Variants in KCNH7 observed in about 807,000 individuals in gnomAD.
KCNH7 encodes the protein voltage-gated inwardly rectifying potassium channel KCNH7.
A neutral mutation model predicts 120.8 loss-of-function variants in KCNH7; 49 were observed. The ratio of observed to expected loss-of-function variants is 0.41; its 90% CI spans 0.32 to 0.51. The LOEUF is 0.51. Ranked by LOEUF, KCNH7 falls within the 20% of genes least tolerant of loss-of-function variation. KCNH7 has a pLI of 0.38. For synonymous variants in KCNH7, 547 were observed against 516.1 expected (o/e 1.06, Z -0.81); for missense variants, 1,097 against 1,446.6 (o/e 0.76, Z 3.92).
At chr2:162,752,938 G>GAAAAGAA (rs1559116235) in intron 2 of KCNH7, among the ~76,000 whole-genome samples, 1 of 92,436 alleles carries the variant, frequency 1.1e-5, no homozygotes, top group Non-Finnish European at 1.9e-5. Context: ...GAAAAGAAAA[G>GAAAAGAA]AAAAGAAAAG....
intron 2 of KCNH7, among the ~76,000 whole-genome samples, chr2:162,584,340 T>C (rs1693961178): frequency 6.6e-6 from 1 of 152,098 alleles, no homozygotes; most frequent in African/African-American, 2.4e-5. Context: ...TTCAATATGG[T>C]TAAATAATTA....
chr2:162,527,011 C>T (rs1008043863), intron 3 of KCNH7, among the ~76,000 whole-genome samples: 31 of 151,996 alleles, frequency 2.0e-4, no homozygotes, highest in African/African-American at 7.0e-4. Flanking sequence ...CGTTCTTCTG[C>T]CATGGCTTCA....
chr2:162,758,346 A>G lies in KCNH7; in HGVS notation c.307+78191T>C, dbSNP rs543472227. Among the ~76,000 whole-genome samples the G allele has an allele frequency of 5.3e-4, 81 of 152,296 alleles. 1 individual carries two copies. The South Asian group carries it at 0.016, about 31-fold the overall frequency. On this transcript the variant is annotated intron_variant, in intron 2 of 15. Transcript: ENST00000332142. The stretch of plus-strand genomic sequence containing the variant: ...GAGGTTATATTCTTTAGTCAAACTG[A>G]GACACCATTTATTTTTTGTATAAAC...
chr2:162,371,716 C>T lies in KCNH7; in HGVS notation c.*113G>A, dbSNP rs947449815. On this transcript the variant is annotated 3_prime_UTR_variant, in exon 16 of 16. Transcript: ENST00000332142. The stretch of plus-strand genomic sequence containing the variant: ...TTTAGGAAAATATACAGTACTTTTG[C>T]ATATAATGGTACCTTGTGAGCCCCT... 24 of 1,021,428 alleles carry T rather than the reference C, an allele frequency of 2.3e-5. No individual in the cohort carries two copies. Among genetic ancestry groups the T allele is most frequent in the Non-Finnish European group, 3.4e-5 (24 of 716,264 alleles). 63.3% of individuals were successfully genotyped at this position (1,021,428 alleles called of 1,614,324 possible). A position where few individuals can be genotyped will look rare whatever the true frequency, so the allele number is the denominator to read the frequency against.
intron 2 of KCNH7, among the ~76,000 whole-genome samples, chr2:162,645,327 T>C (rs1684319694): frequency 6.6e-6 from 1 of 152,162 alleles, no homozygotes. Flanking sequence ...TTTATACTTT[T>C]AGTAGAGACG....
Position 162,394,393 on chromosome 2 carries a change from C to A in KCNH7, c.2706G>T (p.Glu902Asp). 7 of 1,531,518 alleles carry A rather than the reference C, an allele frequency of 4.6e-6. No individual in the cohort carries two copies. Among genetic ancestry groups the A allele is most frequent in the Non-Finnish European group, 6.3e-6 (7 of 1,105,996 alleles). The allele number at this position is 1,531,518 out of a possible 1,614,324, so 94.9% of individuals were successfully genotyped here. A position where few individuals can be genotyped will look rare whatever the true frequency, so the allele number is the denominator to read the frequency against. Residue 902 changes from glutamate to aspartate, a missense_variant, in exon 12 of 16, where the codon GAG (glutamate) becomes GAT (aspartate). Glu to Asp is a conservative substitution (Grantham distance 45, BLOSUM62 2). Transcript: ENST00000332142. ...RRKLSFESEGEKENSTNDPED... is the reference protein window; with the variant it reads ...RRKLSFESEGDKENSTNDPED... The stretch of plus-strand genomic sequence containing the variant: ...TTTAGGAATGGAATGAATTACCTTT[C>A]TCTCCTTCACTTTCAAATGACAATT...
At chr2:162,696,514 G>A (rs987310345) in intron 2 of KCNH7, among the ~76,000 whole-genome samples, 1 of 152,078 alleles carries the variant, frequency 6.6e-6, no homozygotes, top group South Asian at 2.1e-4. Context: ...AATACATGAG[G>A]TATTTTATTT....
At chr2:162,561,118 T>C (rs1369946750) in intron 2 of KCNH7, among the ~76,000 whole-genome samples, 3 of 152,094 alleles carry the variant, frequency 2.0e-5, no homozygotes, top group African/African-American at 7.2e-5. Context: ...GTATGAAAAA[T>C]TTTGCTCAGT....
Position 162,750,309 on chromosome 2 carries a change from C to G in KCNH7, c.307+86228G>C, listed in dbSNP as rs182920531. On this transcript the variant is annotated intron_variant, in intron 2 of 15. Transcript: ENST00000332142. The stretch of plus-strand genomic sequence containing the variant: ...AAGGCCCTAGAACTTAACTTTTAAT[C>G]TCACAGAGAAGAAAAAAATCATGGG... Among the ~76,000 whole-genome samples, 537 of 144,678 alleles carry G rather than the reference C, an allele frequency of 3.7e-3. 5 individuals are homozygous for G. Among genetic ancestry groups the G allele is most frequent in the African/African-American group, 0.015 (515 of 34,776 alleles). 94.9% of individuals were successfully genotyped at this position (144,678 alleles called of 152,430 possible).
intron 6 of KCNH7, among the ~76,000 whole-genome samples, chr2:162,503,954 T>C (rs1690775919): frequency 6.6e-6 from 1 of 151,616 alleles, no homozygotes; most frequent in South Asian, 2.1e-4. Flanking sequence ...CAATAAAATG[T>C]GGTGTTCCAC....
intron 9 of KCNH7, among the ~76,000 whole-genome samples, chr2:162,412,966 C>T (rs1047318385): frequency 1.3e-5 from 2 of 151,964 alleles, no homozygotes; most frequent in Non-Finnish European, 2.9e-5. Context: ...ATTTCAAAAG[C>T]CTAACATGAA....
intron 2 of KCNH7, among the ~76,000 whole-genome samples, chr2:162,787,096 C>T (rs921432616): frequency 6.6e-6 from 1 of 152,216 alleles, no homozygotes; most frequent in Non-Finnish European, 1.5e-5. Context: ...CCAGTTAACC[C>T]TGGTGCCAGG....
chr2:162,778,208 C>G (rs577908594), intron 2 of KCNH7, among the ~76,000 whole-genome samples: 14 of 152,092 alleles, frequency 9.2e-5, no homozygotes, highest in Non-Finnish European at 1.6e-4. Context: ...TCTCAGTGCT[C>G]TATATATACA....
intron 2 of KCNH7, among the ~76,000 whole-genome samples, chr2:162,753,068 A>G (rs1688661649): frequency 6.6e-6 from 1 of 151,146 alleles, no homozygotes; most frequent in African/African-American, 2.4e-5. Flanking sequence ...TTTGATTCCT[A>G]AAGAAAATAT....
chr2:162,398,378 A>G (rs1178964403), intron 10 of KCNH7, among the ~76,000 whole-genome samples: 1 of 151,924 alleles, frequency 6.6e-6, no homozygotes, highest in African/African-American at 2.4e-5. Context: ...CTACGTAAGA[A>G]AAATCGACAT....
intron 2 of KCNH7, among the ~76,000 whole-genome samples, chr2:162,565,826 A>G (rs976881299): frequency 3.3e-5 from 5 of 152,096 alleles, no homozygotes; most frequent in Admixed American, 6.6e-5. Context: ...ACAACTTGGT[A>G]TAAGTGTGCT....
chr2:162,643,985 GTTC>G (rs1309343873), intron 2 of KCNH7, among the ~76,000 whole-genome samples: 1 of 152,000 alleles, frequency 6.6e-6, no homozygotes, highest in Non-Finnish European at 1.5e-5. Flanking sequence ...AAACACCGTG[GTTC>G]TTCAGTTTAT....
intron 14 of KCNH7, among the ~76,000 whole-genome samples, chr2:162,379,207 G>A (rs2105400579): frequency 6.6e-6 from 1 of 152,252 alleles, no homozygotes; most frequent in African/African-American, 2.4e-5. Flanking sequence ...ATTCCCAAGT[G>A]AAACACAACT....
At chr2:162,612,698 C>T (rs1186781036) in intron 2 of KCNH7, among the ~76,000 whole-genome samples, 1 of 151,698 alleles carries the variant, frequency 6.6e-6, no homozygotes, top group South Asian at 2.1e-4. Flanking sequence ...CACATGAATA[C>T]TATATAATTT....
Sources: gnomAD v4.1 joint callset for allele counts (sites outside exome capture counted in the v4.1 genomes callset) on GRCh38, gnomAD v4.1.1 for gene constraint, MANE v1.5 for transcripts, NCBI Gene and HGNC (gene_info 2026-07-23, HGNC 2026-07-21) for gene names.